Variants in CLASP1 observed in about 807,000 individuals in gnomAD.
CLASP1 encodes cytoplasmic linker associated protein 1, also known as CLIP-associating protein 1.
Under a neutral mutation model 192.3 loss-of-function variants are expected in CLASP1, and 38 were observed. The ratio of observed to expected loss-of-function variants is 0.20; its 90% CI spans 0.15 to 0.26. The LOEUF (loss-of-function observed/expected upper bound fraction) is 0.26. Ranked by LOEUF, CLASP1 falls within the 10% of genes least tolerant of loss-of-function variation. The pLI is 1.00. For synonymous variants in CLASP1, 691 were observed against 712.8 expected, an observed-to-expected ratio of 0.97 and a Z score of 0.49; for missense variants, 1,433 against 1,932.5, an observed-to-expected ratio of 0.74 and a Z score of 4.85.
intron 2 of CLASP1, among the ~76,000 whole-genome samples, chr2:121,531,485 C>T (rs2094875292): frequency 6.6e-6 from 1 of 151,302 alleles, no homozygotes. Context: ...GTCCCAGCTG[C>T]TCGGGAGGCT....
At chr2:121,438,009 C>T (rs2082594495) in intron 19 of CLASP1, among the ~76,000 whole-genome samples, 2 of 152,188 alleles carry the variant, frequency 1.3e-5, no homozygotes, top group Admixed American at 1.3e-4. Context: ...AGTTATTTTA[C>T]ATTTTGTAAC....
At position 121,519,447 on chromosome 2, in the gene CLASP1, C is replaced by G. The variant is rs533748715; in HGVS notation, c.547-3685G>C. On this transcript the variant is annotated intron_variant, in intron 6 of 39. Coordinates refer to ENST00000263710, the Ensembl canonical transcript of CLASP1. ...CAGATGGGCCACCACCACCCAGCCACAGAGGAATGGTAGCACAGCTTTACC... is the reference window on the plus strand; with the variant it reads ...CAGATGGGCCACCACCACCCAGCCAGAGAGGAATGGTAGCACAGCTTTACC... Among the ~76,000 whole-genome samples the G allele has an allele frequency of 7.9e-5, 12 of 152,304 alleles. No individual in the cohort carries two copies. In the South Asian group the frequency reaches 2.5e-3, roughly 32 times the overall value.
intron 1 of CLASP1, among the ~76,000 whole-genome samples, chr2:121,641,829 G>A (rs977464422): frequency 1.3e-5 from 2 of 152,118 alleles, no homozygotes; most frequent in African/African-American, 2.4e-5. Context: ...TAAATGGTAC[G>A]AATTTTTGGT....
intron 8 of CLASP1, among the ~76,000 whole-genome samples, chr2:121,502,246 G>T (rs1177582054): frequency 6.6e-6 from 1 of 151,984 alleles, no homozygotes; most frequent in Admixed American, 6.6e-5. Context: ...ACTCTTCAAG[G>T]CGTTGAATTT....
At chr2:121,445,459 G>A (rs1433083919) in intron 19 of CLASP1, 2 of 1,289,314 alleles carry the variant, frequency 1.6e-6, no homozygotes, top group African/African-American at 1.5e-5. Context: ...CTGAGTCCAG[G>A]CCTATGTACT....
intron 8 of CLASP1, among the ~76,000 whole-genome samples, chr2:121,475,564 C>G (rs1056102332): frequency 6.6e-6 from 1 of 152,216 alleles, no homozygotes; most frequent in African/African-American, 2.4e-5. Context: ...TTAACCCATA[C>G]TGAACTCTAC....
chr2:121,600,445 G>A (rs1193806352), intron 2 of CLASP1, among the ~76,000 whole-genome samples: 1 of 152,196 alleles, frequency 6.6e-6, no homozygotes, highest in Non-Finnish European at 1.5e-5. Context: ...CCAACTTCCT[G>A]ACTTTCCTTC....
In CLASP1 at chr2:121,455,897, G is replaced by GTA. The variant is rs34173751; in HGVS notation, c.1385+1788_1385+1789dup. Among the ~76,000 whole-genome samples the GTA allele has an allele frequency of 1.3e-3, 195 of 152,210 alleles. 2 individuals carry two copies. The highest frequency in any genetic ancestry group is 4.5e-3 in the African/African-American group (188 of 41,520). Reference sequence around the variant, plus strand: ...AAAATTGGACTCATAGAAGCAGAAAGTAGAATGGTGGTTCTCAGAAGCTGG... The same window carrying GTA: ...AAAATTGGACTCATAGAAGCAGAAAGTATAGAATGGTGGTTCTCAGAAGCTGG... On this transcript the variant is annotated intron_variant, in intron 14 of 39. Coordinates refer to ENST00000263710, the Ensembl canonical transcript of CLASP1.
chr2:121,376,965 G>C (rs1466133330), intron 34 of CLASP1, among the ~76,000 whole-genome samples: 1 of 152,206 alleles, frequency 6.6e-6, no homozygotes, highest in African/African-American at 2.4e-5. Context: ...CTACATCATA[G>C]TGAGTTGTAT....
At chr2:121,392,382 A>G (rs2074516729) in intron 30 of CLASP1, among the ~76,000 whole-genome samples, 1 of 152,226 alleles carries the variant, frequency 6.6e-6, no homozygotes, top group Non-Finnish European at 1.5e-5. Flanking sequence ...TCCTCAAACA[A>G]TAATAGCAGA....
At chr2:121,431,631 C>T (rs2081415173) in intron 19 of CLASP1, among the ~76,000 whole-genome samples, 1 of 152,030 alleles carries the variant, frequency 6.6e-6, no homozygotes, top group Admixed American at 6.5e-5. Context: ...TTTAAATGAA[C>T]ATGTATACTC....
intron 8 of CLASP1, among the ~76,000 whole-genome samples, chr2:121,483,646 G>GT (rs199695030): frequency 0.018 from 2,747 of 151,686 alleles, 54 homozygotes; most frequent in Non-Finnish European, 0.022. Flanking sequence ...TAATATGTCT[G>GT]TTTTTTTGGT....
chr2:121,478,771 C>CCACACACCCCACA (rs1553568264), intron 8 of CLASP1, among the ~76,000 whole-genome samples: 1 of 44,240 alleles, frequency 2.3e-5, no homozygotes, highest in Non-Finnish European at 5.0e-5. Flanking sequence ...ACCACACACC[C>CCACACACCCCACA]CACACACACA....
chr2:121,365,039 C>T, intron 36 of CLASP1, 55 bp downstream of exon 37: 2 of 1,518,358 alleles, frequency 1.3e-6, no homozygotes, highest in East Asian at 4.5e-5. Flanking sequence ...AAGAAAAGGA[C>T]ATCGTGACCC....
chr2:121,601,811 G>A (rs1317607753), intron 2 of CLASP1, among the ~76,000 whole-genome samples: 1 of 152,080 alleles, frequency 6.6e-6, no homozygotes, highest in Non-Finnish European at 1.5e-5. Context: ...TACGGTTACA[G>A]GATACAAACA....
At chr2:121,496,239 G>C (rs2093526689) in intron 8 of CLASP1, among the ~76,000 whole-genome samples, 1 of 152,272 alleles carries the variant, frequency 6.6e-6, no homozygotes, top group African/African-American at 2.4e-5. Context: ...TTCACAAATG[G>C]GAGTTAGAAA....
intron 8 of CLASP1, among the ~76,000 whole-genome samples, chr2:121,478,860 CCACACACACACCACACCACACACACACCA>C (rs2092186954): frequency 2.6e-5 from 2 of 77,036 alleles, no homozygotes; most frequent in Non-Finnish European, 4.7e-5. Flanking sequence ...ACACACCACA[CCACACACACACCACACCACACACACACCA>C]CACACACACA....
chr2:121,616,417 A>G (rs2066474864), intron 1 of CLASP1, among the ~76,000 whole-genome samples: 1 of 152,200 alleles, frequency 6.6e-6, no homozygotes, highest in South Asian at 2.1e-4. Flanking sequence ...ATTGCACTCC[A>G]GCCTGGCAAC....
intron 17 of CLASP1, 35 bp downstream of exon 17, chr2:121,448,918 C>A (rs533647024): frequency 6.3e-7 from 1 of 1,586,302 alleles, no homozygotes; most frequent in Admixed American, 1.8e-5. Context: ...AATACAAATT[C>A]TCACATGAAT....
Sources: gnomAD v4.1 joint callset for allele counts (sites outside exome capture counted in the v4.1 genomes callset) on GRCh38, gnomAD v4.1.1 for gene constraint, MANE v1.5 for transcripts, NCBI Gene and HGNC (gene_info 2026-07-23, HGNC 2026-07-21) for gene names.